The following CUX1 variants were observed in gnomAD, a reference collection of about 807,000 sequenced individuals.
CUX1 encodes protein CASP.
CUX1 carries 31 observed loss-of-function variants against 158.8 expected under a neutral mutation model. The observed-to-expected ratio is 0.20, with a 90% CI of 0.15 to 0.26. The LOEUF (loss-of-function observed/expected upper bound fraction) is 0.26, where lower values mean the gene tolerates loss of function less well. Ranked by LOEUF, CUX1 falls within the 10% of genes least tolerant of loss-of-function variation. CUX1 has a pLI of 1.00. For synonymous variants in CUX1, 879 were observed against 862.1 expected, an observed-to-expected ratio of 1.02 and a Z score of -0.34; for missense variants, 1,589 against 2,014.6, an observed-to-expected ratio of 0.79 and a Z score of 4.04.
intron 2 of CUX1, among the ~76,000 whole-genome samples, chr7:101,935,968 C>T (rs550211188): frequency 3.1e-4 from 47 of 152,308 alleles, no homozygotes; most frequent in Non-Finnish European, 2.6e-4. Flanking sequence ...GCGAGAAACA[C>T]GCTCTTAAAA....
intron 18 of CUX1, among the ~76,000 whole-genome samples, chr7:102,202,670 A>C (rs1395763343): frequency 6.6e-6 from 1 of 152,162 alleles, no homozygotes; most frequent in Non-Finnish European, 1.5e-5. Flanking sequence ...AGAGAGCCAA[A>C]AGGGACTTAC....
rs1827611297 is a variant in CUX1, at chr7:102,083,086, A to G, written c.268+12669A>G. Among the ~76,000 whole-genome samples the G allele has an allele frequency of 2.0e-5, 3 of 146,604 alleles. 1 individual carries two copies. Reference sequence around the variant, plus strand: ...CTTTTCCTCAGGATAGCAAAGTTACAGTTGTATTATTTTATCCCCTCATAA... The same window carrying G: ...CTTTTCCTCAGGATAGCAAAGTTACGGTTGTATTATTTTATCCCCTCATAA... On this transcript the variant is annotated intron_variant, in intron 4 of 23. Coordinates refer to ENST00000292535, the MANE Select transcript of CUX1 (RefSeq NM_181552.4).
intron 2 of CUX1, among the ~76,000 whole-genome samples, chr7:102,010,694 G>C (rs1817900299): frequency 6.6e-6 from 1 of 152,236 alleles, no homozygotes; most frequent in African/African-American, 2.4e-5. Context: ...GGATGAAGAG[G>C]TGTCTAAAAG....
intron 2 of CUX1, among the ~76,000 whole-genome samples, chr7:102,000,214 C>T (rs1253913035): frequency 1.1e-5 from 1 of 92,352 alleles, no homozygotes; most frequent in Non-Finnish European, 2.1e-5. Context: ...AAAACTCTAT[C>T]TCAAAAAAAA....
At chr7:102,140,626 G>A (rs1414362669) in intron 8 of CUX1, among the ~76,000 whole-genome samples, 4 of 151,612 alleles carry the variant, frequency 2.6e-5, no homozygotes, top group Non-Finnish European at 5.9e-5. Context: ...TTGGGAGGCC[G>A]AGGCGGGAGA....
chr7:102,065,906 T>G (rs1454671074), intron 3 of CUX1, among the ~76,000 whole-genome samples: 1 of 150,172 alleles, frequency 6.7e-6, no homozygotes, highest in Non-Finnish European at 1.5e-5. Context: ...TTCTCCTGTC[T>G]CAGCCTCCTG....
chr7:102,044,393 T>C (rs1033787099), intron 3 of CUX1, among the ~76,000 whole-genome samples: 6 of 151,998 alleles, frequency 3.9e-5, no homozygotes, highest in African/African-American at 1.4e-4. Context: ...TTTCACTATG[T>C]TGTCCAGGCT....
intron 20 of CUX1, among the ~76,000 whole-genome samples, chr7:102,213,626 ACATTGGG>A (rs1321770443): frequency 2.6e-5 from 4 of 152,320 alleles, no homozygotes; most frequent in African/African-American, 9.6e-5. Flanking sequence ...AATTTACAGC[ACATTGGG>A]CATTCAGTAC....
intron 10 of CUX1, among the ~76,000 whole-genome samples, chr7:102,175,346 A>G (rs1792195386): frequency 6.6e-6 from 1 of 152,134 alleles, no homozygotes; most frequent in South Asian, 2.1e-4. Context: ...AAAGCCCTTT[A>G]ATCAGTGTCT....
chr7:102,182,702 C>T (rs1554514350), intron 11 of CUX1, among the ~76,000 whole-genome samples: 4 of 152,100 alleles, frequency 2.6e-5, no homozygotes, highest in South Asian at 2.1e-4. Flanking sequence ...TGAAATAGCC[C>T]GACCGCCGTG....
At chr7:101,913,497 T>G (rs1803753502) in intron 1 of CUX1, 2 of 1,009,196 alleles carry the variant, frequency 2.0e-6, no homozygotes, top group Non-Finnish European at 2.6e-6. Context: ...AGGCAGGCTC[T>G]CTGACAGATC....
At chr7:102,237,561 C>T (rs1316846819) in intron 22 of CUX1, among the ~76,000 whole-genome samples, 7 of 152,158 alleles carry the variant, frequency 4.6e-5, no homozygotes, top group African/African-American at 1.7e-4. Flanking sequence ...AGATTATAGG[C>T]GAGAGCCACC....
exon 15 of CUX1, chr7:102,273,431 C>G (rs371828253): frequency 7.7e-5 from 124 of 1,613,092 alleles, no homozygotes; most frequent in Non-Finnish European, 9.7e-5. Flanking sequence ...GCAGAGAGAG[C>G]TGATCGCCCG....
intron 2 of CUX1, among the ~76,000 whole-genome samples, chr7:101,937,245 A>C (rs987730429): frequency 1.3e-5 from 2 of 152,186 alleles, no homozygotes; most frequent in African/African-American, 4.8e-5. Context: ...CCCCCTGTGA[A>C]AGACATTAGC....
chr7:102,002,561 G>A (rs1328332772), intron 2 of CUX1, among the ~76,000 whole-genome samples: 1 of 152,230 alleles, frequency 6.6e-6, no homozygotes, highest in East Asian at 1.9e-4. Flanking sequence ...CGAGTGGCCA[G>A]TCCCCTCCCT....
intron 1 of CUX1, among the ~76,000 whole-genome samples, chr7:101,873,607 T>C (rs1483222304): frequency 1.3e-5 from 2 of 152,166 alleles, no homozygotes; most frequent in African/African-American, 4.8e-5. Context: ...AGGTATATTT[T>C]CTTAGGTTCT....
intron 1 of CUX1, among the ~76,000 whole-genome samples, chr7:101,877,056 T>C (rs1366525432): frequency 6.6e-6 from 1 of 152,240 alleles, no homozygotes; most frequent in Non-Finnish European, 1.5e-5. Context: ...TTTCTAAAAG[T>C]AGAAGTGAAC....
At chr7:101,871,155 G>A (rs73712578) in intron 1 of CUX1, among the ~76,000 whole-genome samples, 95 of 152,240 alleles carry the variant, frequency 6.2e-4, no homozygotes, top group African/African-American at 2.1e-3. Context: ...CCTAGCATCC[G>A]TGGTTCAGGA....
Position 102,218,732 on chromosome 7 carries a change from A to G in CUX1, c.3131-8635A>G, listed in dbSNP as rs564122361. Among the ~76,000 whole-genome samples, 3 of 152,108 alleles carry G rather than the reference A, an allele frequency of 2.0e-5. No individual in the cohort carries two copies. In the East Asian group the frequency reaches 5.8e-4, roughly 30 times the overall value. On this transcript the variant is annotated intron_variant, in intron 20 of 23. Coordinates refer to ENST00000292535, the MANE Select transcript of CUX1 (RefSeq NM_181552.4). ...AAAGAATTTTGGCTCCCATGTCATT[A>G]TAAGAGTTTCTCGGGCAAACCTAAA...
Sources: gnomAD v4.1 joint callset for allele counts (sites outside exome capture counted in the v4.1 genomes callset) on GRCh38, gnomAD v4.1.1 for gene constraint, MANE v1.5 for transcripts, NCBI Gene and HGNC (gene_info 2026-07-23, HGNC 2026-07-21) for gene names.